Variants in SLC22A31 observed in about 807,000 individuals in gnomAD.
SLC22A31 encodes putative solute carrier family 22 member 31.
A neutral mutation model predicts 27.4 loss-of-function variants in SLC22A31; 42 were observed. The observed-to-expected ratio is 1.53, with a 90% CI of 1.20 to 1.98. SLC22A31 has a LOEUF of 1.98. Among genes scored for constraint, SLC22A31 ranks in the 30% most tolerant of loss-of-function variants. SLC22A31 has a pLI of 0.00. For missense variants in SLC22A31, 593 were observed against 479.9 expected (o/e 1.24, Z -2.20); for synonymous variants, 290 against 230.8 (o/e 1.26, Z -2.33).
In SLC22A31 at chr16:89,198,292, G is replaced by A. The variant is rs1396207910; in HGVS notation, c.752C>T (p.Ala251Val). Reference protein sequence around the residue: ...GIRASFRRSLAPQVPTFYLPY... With the variant: ...GIRASFRRSLVPQVPTFYLPY... Reference sequence around the variant, plus strand: ...CAGGTAGAAGGTCGGCACCTGAGGTGCCAGGCTGCGGCGGAAGCTAGCTCT... The same window carrying A: ...CAGGTAGAAGGTCGGCACCTGAGGTACCAGGCTGCGGCGGAAGCTAGCTCT... The change falls in exon 7 of 9, where the codon GCA (alanine) becomes GTA (valine). Residue 251 changes from alanine to valine, a missense_variant. By Grantham distance (64) the Ala-to-Val change is moderately conservative. Coordinates refer to ENST00000682282, the MANE Select transcript of SLC22A31 (RefSeq NM_001384763.1). The A allele has an allele frequency of 6.5e-6, 10 of 1,535,832 alleles. No homozygotes were observed. The highest frequency in any genetic ancestry group is 7.8e-6 in the Non-Finnish European group (9 of 1,146,906).
At position 89,197,293 on chromosome 16, in the gene SLC22A31, C is replaced by T; in HGVS notation, c.1034+5G>A. Reference sequence around the variant, plus strand: ...GCTGTGTGGCCGGGCAACCCTGAAGCTCACCTGATCACCGTGGGGAAGACC... The same window carrying T: ...GCTGTGTGGCCGGGCAACCCTGAAGTTCACCTGATCACCGTGGGGAAGACC... On this transcript the variant is annotated splice_donor_5th_base_variant and intron_variant, in intron 8 of 8. Transcript: ENST00000682282. The T allele has an allele frequency of 6.5e-7, 1 of 1,535,078 alleles. No individual in the cohort carries two copies. The highest frequency in any genetic ancestry group is 8.7e-7 in the Non-Finnish European group (1 of 1,146,370).
At chr16:89,199,903 G>A in intron 1 of SLC22A31, 87 bp from the exon 2 acceptor site, 3 of 400,620 alleles carry the variant, frequency 7.5e-6, no homozygotes, top group East Asian at 3.6e-5. Flanking sequence ...CTACTGGAAG[G>A]GGCCCTCCAT....
In SLC22A31 at chr16:89,199,508, C is replaced by G. The variant is rs1916343496; in HGVS notation, c.188G>C (p.Ser63Thr). The G allele has an allele frequency of 4.0e-6, 2 of 498,872 alleles. No individual in the cohort carries two copies. Among genetic ancestry groups the G allele is most frequent in the Admixed American group, 3.5e-5 (1 of 28,972 alleles). 30.9% of individuals were successfully genotyped at this position (498,872 alleles called of 1,614,324 possible). ...SLVLTTGLGA[S>T]EALAASFPTL... ...AGGGAAGCTGGCAGCCAGGGCCTCACTGGCCCCCAGGCCTGTGGTCAGCAC... is the reference window on the plus strand; with the variant it reads ...AGGGAAGCTGGCAGCCAGGGCCTCAGTGGCCCCCAGGCCTGTGGTCAGCAC... Residue 63 changes from serine to threonine, a missense_variant, in exon 3 of 9, where the codon AGT becomes ACT. Transcript: ENST00000682282.
At chr16:89,200,771 T>C (rs1425233831), upstream of SLC22A31, among the ~76,000 whole-genome samples, 1 of 152,190 alleles carries the variant, frequency 6.6e-6, no homozygotes, top group African/African-American at 2.4e-5. Context: ...TCCCCATCTC[T>C]TCTCACGCAG....
chr16:89,196,055 G>A lies in SLC22A31; in HGVS notation c.1285C>T (p.Pro429Ser). ...LRGRPRQDHL[P>S]LLPPSNSYWA... ...TAGGAGTTGGAGGGCGGCAGCAGAG[G>A]CAGGTGGTCCTGGCGGGGGCGGCCC... The change falls in exon 9 of 9, where the codon CCT becomes TCT. Residue 429 changes from proline to serine, a missense_variant. Transcript: ENST00000682282. 1 of 1,530,584 alleles carries A rather than the reference G, an allele frequency of 6.5e-7. No homozygotes were observed. The highest frequency in any genetic ancestry group is 8.7e-7 in the Non-Finnish European group (1 of 1,144,556). The allele number at this position is 1,530,584 out of a possible 1,614,324, so 94.8% of individuals were successfully genotyped here.
In SLC22A31 at chr16:89,198,110, C is replaced by A; in HGVS notation, c.922+12G>T. ...AATGGCTCCTGTATGGCCTGCGGGGCCCCAAGCTCACACTGGGCCCCAGCG... is the reference window on the plus strand; with the variant it reads ...AATGGCTCCTGTATGGCCTGCGGGGACCCAAGCTCACACTGGGCCCCAGCG... On this transcript the variant is annotated intron_variant, in intron 7 of 8. Transcript: ENST00000682282. The A allele has an allele frequency of 6.6e-7, 1 of 1,504,556 alleles. No homozygotes were observed. The highest frequency in any genetic ancestry group is 8.7e-7 in the Non-Finnish European group (1 of 1,143,644). 93.2% of individuals were successfully genotyped at this position (1,504,556 alleles called of 1,614,324 possible).
Position 89,195,973 on chromosome 16 carries a change from C to G in SLC22A31, c.*26G>C, listed in dbSNP as rs1488684024. 6.8e-7 allele frequency: 1 copy of G among 1,466,818 alleles called. No homozygotes were observed. The allele number at this position is 1,466,818 out of a possible 1,614,324, so 90.9% of individuals were successfully genotyped here. On this transcript the variant is annotated 3_prime_UTR_variant, in exon 9 of 9. Coordinates refer to ENST00000682282, the MANE Select transcript of SLC22A31 (RefSeq NM_001384763.1). ...CCCAGGCCTTGACTTTGGTCCCATC[C>G]TGGCTCCCAGGGCCACCAGGCAGGA...
chr16:89,198,965 G>C (rs971649879), intron 4 of SLC22A31, 58 bp downstream of exon 4: 2 of 1,517,324 alleles, frequency 1.3e-6, no homozygotes, highest in African/African-American at 1.4e-5. Flanking sequence ...TCGGTGCAGA[G>C]GGAAGCTACA....
chr16:89,198,525 G>C lies in SLC22A31; in HGVS notation c.624C>G (p.Ser208Arg), dbSNP rs1916206144. 5 of 1,508,814 alleles carry C rather than the reference G, an allele frequency of 3.3e-6. No individual in the cohort carries two copies. The Admixed American group carries it at 8.2e-5, about 25-fold the overall frequency. 93.5% of individuals were successfully genotyped at this position (1,508,814 alleles called of 1,614,324 possible). A position where few individuals can be genotyped will look rare whatever the true frequency, so the allele number is the denominator to read the frequency against. The change falls in exon 6 of 9, where the codon AGC (serine) becomes AGG (arginine). Residue 208 changes from serine (S) to arginine (R), a missense_variant. Coordinates refer to ENST00000682282, the MANE Select transcript of SLC22A31 (RefSeq NM_001384763.1). Reference protein sequence around the residue: ...ATELTMLSARSPQPRYHSPLG... With the variant: ...ATELTMLSARRPQPRYHSPLG... ...GTGGGGAGTGGTACCGGGGCTGGGGGCTCCGTGCAGACAGCATGGTCAGCT... is the reference window on the plus strand; with the variant it reads ...GTGGGGAGTGGTACCGGGGCTGGGGCCTCCGTGCAGACAGCATGGTCAGCT...
Position 89,195,950 on chromosome 16 carries a change from C to T in SLC22A31, c.*49G>A, listed in dbSNP as rs979546844. ...ACGTCTGGGGTACTCAGCCATGCCC[C>T]AGGCCTTGACTTTGGTCCCATCCTG... On this transcript the variant is annotated 3_prime_UTR_variant, in exon 9 of 9. Coordinates refer to ENST00000682282, the MANE Select transcript of SLC22A31 (RefSeq NM_001384763.1). 19 of 1,449,870 alleles carry T rather than the reference C, an allele frequency of 1.3e-5. No individual in the cohort carries two copies. In the South Asian group the frequency reaches 2.7e-4, roughly 21 times the overall value. The allele number at this position is 1,449,870 out of a possible 1,614,324, so 89.8% of individuals were successfully genotyped here. A position where few individuals can be genotyped will look rare whatever the true frequency, so the allele number is the denominator to read the frequency against.
rs900776751 is a variant in SLC22A31, at chr16:89,195,889, C to A, written c.*110G>T. 7.9e-7 allele frequency: 1 copy of A among 1,270,192 alleles called. No homozygotes were observed. The highest frequency in any genetic ancestry group is 2.6e-5 in the East Asian group (1 of 37,872). The allele number at this position is 1,270,192 out of a possible 1,614,324, so 78.7% of individuals were successfully genotyped here. On this transcript the variant is annotated 3_prime_UTR_variant, in exon 9 of 9. Transcript: ENST00000682282. ...CCACGGCTCCACCTGCACTGAGACA[C>A]GGGCTTCTGAGAGGAATGTGTCTGC...
chr16:89,198,804 C>T lies in SLC22A31; in HGVS notation c.453-7G>A, dbSNP rs78845109. The T allele has an allele frequency of 1.4e-5, 22 of 1,525,454 alleles. No individual in the cohort carries two copies. The highest frequency in any genetic ancestry group is 2.5e-5 in the East Asian group (1 of 40,622). 94.5% of individuals were successfully genotyped at this position (1,525,454 alleles called of 1,614,324 possible). On this transcript the variant is annotated splice_region_variant and splice_polypyrimidine_tract_variant and intron_variant, in intron 4 of 8. Coordinates refer to ENST00000682282, the MANE Select transcript of SLC22A31 (RefSeq NM_001384763.1). ...GGGGAACAGGGCCGGGAACCTGCAGCGTTGGTGAGGATGCCCACGGCTCCC... is the reference window on the plus strand; with the variant it reads ...GGGGAACAGGGCCGGGAACCTGCAGTGTTGGTGAGGATGCCCACGGCTCCC...
chr16:89,198,070 C>A, intron 7 of SLC22A31, 52 bp downstream of exon 7: 1 of 1,518,886 alleles, frequency 6.6e-7, no homozygotes, highest in Non-Finnish European at 8.8e-7. Flanking sequence ...TGTGGCAGAC[C>A]GTCGGCCCAA....
rs554489378 is a variant in SLC22A31 at position 89,195,837 on chromosome 16, C to T, written c.*162G>A. 5.9e-4 allele frequency: 461 copies of T among 781,150 alleles called. 1 individual carries two copies. Among genetic ancestry groups the T allele is most frequent in the Middle Eastern group, 4.3e-3 (11 of 2,558 alleles). The allele number at this position is 781,150 out of a possible 1,614,324, so 48.4% of individuals were successfully genotyped here. On this transcript the variant is annotated 3_prime_UTR_variant, in exon 9 of 9. Transcript: ENST00000682282. ...CCCAGGGCCTCCCAGTGCCTGGGGC[C>T]TGGCTGGAGACACCTTCACGCTGTC...
Position 89,198,727 on chromosome 16 carries a change from T to C in SLC22A31, c.523A>G (p.Ile175Val). ...ATGQVARARK[I>V]LWRFAEASGV... ...CTGGCTTCTGCAAAGCGCCACAGGA[T>C]CTTCCTGGCTCGAGCTACCTGACCT... Residue 175 changes from isoleucine (I) to valine (V), a missense_variant, in exon 5 of 9, where the codon ATC (isoleucine) becomes GTC (valine). Physicochemically the swap from Ile to Val is conservative, Grantham distance 29. Transcript: ENST00000682282. 2 of 1,535,670 alleles carry C rather than the reference T, an allele frequency of 1.3e-6. No individual in the cohort carries two copies. The highest frequency in any genetic ancestry group is 1.7e-6 in the Non-Finnish European group (2 of 1,146,760).
In SLC22A31 at chr16:89,195,886, A is replaced by G; in HGVS notation, c.*113T>C. On this transcript the variant is annotated 3_prime_UTR_variant, in exon 9 of 9. Transcript: ENST00000682282. ...TCCCCACGGCTCCACCTGCACTGAG[A>G]CACGGGCTTCTGAGAGGAATGTGTC... 1 of 1,255,764 alleles carries G rather than the reference A, an allele frequency of 8.0e-7. No homozygotes were observed. Among genetic ancestry groups the G allele is most frequent in the Non-Finnish European group, 1.1e-6 (1 of 941,322 alleles). The allele number at this position is 1,255,764 out of a possible 1,614,324, so 77.8% of individuals were successfully genotyped here.
In SLC22A31 at chr16:89,198,813, G is replaced by T; in HGVS notation, c.453-16C>A. 6.6e-7 allele frequency: 1 copy of T among 1,522,282 alleles called. No individual in the cohort carries two copies. The highest frequency in any genetic ancestry group is 8.8e-7 in the Non-Finnish European group (1 of 1,136,450). 94.3% of individuals were successfully genotyped at this position (1,522,282 alleles called of 1,614,324 possible). ...GGCCGGGAACCTGCAGCGTTGGTGAGGATGCCCACGGCTCCCTCCACCTCC... is the reference window on the plus strand; with the variant it reads ...GGCCGGGAACCTGCAGCGTTGGTGATGATGCCCACGGCTCCCTCCACCTCC... On this transcript the variant is annotated splice_polypyrimidine_tract_variant and intron_variant, in intron 4 of 8. Transcript: ENST00000682282.
At chr16:89,199,213 G>C in intron 3 of SLC22A31, 22 bp from the exon 4 acceptor site, 1 of 1,511,078 alleles carries the variant, frequency 6.6e-7, no homozygotes, top group Non-Finnish European at 8.8e-7. Flanking sequence ...CAGACAGGTT[G>C]AAGTGGAGGC....
intron 7 of SLC22A31, among the ~76,000 whole-genome samples, chr16:89,197,827 C>T (rs1054726498): frequency 1.3e-4 from 20 of 152,236 alleles, no homozygotes; most frequent in East Asian, 1.2e-3. Flanking sequence ...TGGCCGGCCT[C>T]GGCCACCTGG....
Sources: allele counts gnomAD v4.1 joint callset (sites outside exome capture counted in the v4.1 genomes callset), GRCh38; gene constraint gnomAD v4.1.1; transcripts MANE v1.5; gene names NCBI Gene and HGNC (gene_info 2026-07-23, HGNC 2026-07-21).